The following GMEB2 variants were observed in gnomAD, a reference collection of about 807,000 sequenced individuals.
The protein encoded by GMEB2 is glucocorticoid modulatory element binding protein 2, also known as glucocorticoid modulatory element-binding protein 2.
Under a neutral mutation model 45.7 loss-of-function variants are expected in GMEB2, and 7 were observed. That is an observed-to-expected ratio of 0.15 (90% CI 0.09 to 0.29). GMEB2 has a LOEUF of 0.29. Among genes scored for constraint, GMEB2 ranks in the 10% least tolerant of loss-of-function variants. The probability of loss-of-function intolerance (pLI) is 1.00; values close to 1 mark genes in which losing one functional copy is unlikely to be tolerated. For synonymous variants in GMEB2, 322 were observed against 323.6 expected, an observed-to-expected ratio of 1.00 and a Z score of 0.05; for missense variants, 582 against 739.2, an observed-to-expected ratio of 0.79 and a Z score of 2.47.
intron 4 of GMEB2, among the ~76,000 whole-genome samples, chr20:63,598,558 G>A (rs2083217327): frequency 6.6e-6 from 1 of 152,204 alleles, no homozygotes; most frequent in Non-Finnish European, 1.5e-5. Flanking sequence ...GGAGTCACGA[G>A]GTCTCTGCAG....
intron 1 of GMEB2, among the ~76,000 whole-genome samples, chr20:63,625,055 C>T (rs60154574): frequency 0.01 from 1,561 of 152,270 alleles, 29 homozygotes; most frequent in African/African-American, 0.035. Context: ...CAAAAGTTAC[C>T]TCACAGAAAA....
chr20:63,622,620 T>C (rs1177408791), intron 1 of GMEB2, among the ~76,000 whole-genome samples: 1 of 152,070 alleles, frequency 6.6e-6, no homozygotes, highest in African/African-American at 2.4e-5. Flanking sequence ...TCTTCCTACC[T>C]GGGCATGGGT....
chr20:63,624,985 C>A (rs1162750663), intron 1 of GMEB2, among the ~76,000 whole-genome samples: 1 of 152,086 alleles, frequency 6.6e-6, no homozygotes, highest in Non-Finnish European at 1.5e-5. Context: ...GGATTACAGG[C>A]GTGAGCCACT....
At chr20:63,607,574 C>CA (rs751685486) in intron 2 of GMEB2, among the ~76,000 whole-genome samples, 8 of 23,062 alleles carry the variant, frequency 3.5e-4, no homozygotes, top group Non-Finnish European at 1.2e-3. Flanking sequence ...CCCTCTGACC[C>CA]CACCTCCATT....
chr20:63,620,311 G>A (rs1215421215), intron 1 of GMEB2, among the ~76,000 whole-genome samples: 4 of 145,614 alleles, frequency 2.7e-5, no homozygotes, highest in Admixed American at 6.7e-5. Context: ...AAAGCTTGGA[G>A]ACAGGGGAAT....
chr20:63,609,385 A>C, intron 2 of GMEB2, among the ~76,000 whole-genome samples: 2 of 120,532 alleles, frequency 1.7e-5, no homozygotes, highest in Admixed American at 8.5e-5. Context: ...CTCTGACCTC[A>C]CCTCCATTTC....
intron 2 of GMEB2, among the ~76,000 whole-genome samples, chr20:63,609,004 A>C (rs1178869287): frequency 3.6e-3 from 30 of 8,222 alleles, no homozygotes; most frequent in Admixed American, 4.8e-3. Flanking sequence ...CCTCTGACCC[A>C]CACCTCCATT....
Position 63,595,598 on chromosome 20 carries a change from C to T in GMEB2, c.619+12G>A. The T allele has an allele frequency of 6.3e-7, 1 of 1,596,714 alleles. No individual in the cohort carries two copies. The highest frequency in any genetic ancestry group is 8.5e-7 in the Non-Finnish European group (1 of 1,172,672). On this transcript the variant is annotated intron_variant, in intron 6 of 9. Coordinates refer to ENST00000370077, the MANE Select transcript of GMEB2 (RefSeq NM_012384.5). Reference sequence around the variant, plus strand: ...TGGGGCTGGGTCAGGACGAGCAGCCCTGTGCACCTACCGTCGGCTGCGGCG... The same window carrying T: ...TGGGGCTGGGTCAGGACGAGCAGCCTTGTGCACCTACCGTCGGCTGCGGCG...
intron 5 of GMEB2, among the ~76,000 whole-genome samples, chr20:63,596,401 C>T (rs901696940): frequency 6.6e-6 from 1 of 152,250 alleles, no homozygotes; most frequent in Non-Finnish European, 1.5e-5. Flanking sequence ...CCTGCCTCGA[C>T]CCATGAAACG....
At chr20:63,608,936 C>T (rs76601806) in intron 2 of GMEB2, among the ~76,000 whole-genome samples, 3 of 28,280 alleles carry the variant, frequency 1.1e-4, no homozygotes, top group Admixed American at 2.2e-4. Context: ...CCCTGTGACC[C>T]CACCTCCATT....
In GMEB2 at chr20:63,593,999, G is replaced by A. The variant is rs569104264; in HGVS notation, c.620-917C>T. On this transcript the variant is annotated intron_variant, in intron 6 of 9. Coordinates refer to ENST00000370077, the MANE Select transcript of GMEB2 (RefSeq NM_012384.5). The surrounding 1 kb of genome is among the most constrained non-coding windows in gnomAD (Gnocchi z 4.7). ...CAGGCCCCTGCACTCCAGCCTGGGC[G>A]ACAGAGCAGGACTCCTTCTCCAACA... Among the ~76,000 whole-genome samples the A allele has an allele frequency of 7.9e-5, 12 of 152,358 alleles. No individual in the cohort carries two copies. The highest frequency in any genetic ancestry group is 2.2e-4 in the African/African-American group (9 of 41,590).
chr20:63,596,131 C>G (rs1200139086), intron 5 of GMEB2, among the ~76,000 whole-genome samples: 1 of 152,240 alleles, frequency 6.6e-6, no homozygotes, highest in Non-Finnish European at 1.5e-5. Flanking sequence ...GCCCAGTCCA[C>G]CTGCATCATG....
chr20:63,599,039 A>G (rs142587531), intron 4 of GMEB2, among the ~76,000 whole-genome samples: 3 of 152,306 alleles, frequency 2.0e-5, no homozygotes, highest in East Asian at 1.9e-4. Context: ...AGGAAGCTAC[A>G]TGCTGTACTC....
chr20:63,592,739 AAGGACATCACCATAGCCACG>A lies in GMEB2; in HGVS notation c.692-89_692-70del, dbSNP rs1320416443. The stretch of plus-strand genomic sequence containing the variant: ...TACACGGGGCAGCCACCACAGCCAC[AAGGACATCACCATAGCCACG>A]AGGACACCATGCCAGAGCCGGCAGC... On this transcript the variant is annotated intron_variant, in intron 7 of 9. Transcript: ENST00000370077. The surrounding 1 kb of genome is among the most constrained non-coding windows in gnomAD (Gnocchi z 8.2). 1.0e-5 allele frequency: 13 copies of A among 1,278,820 alleles called. No homozygotes were observed. The African/African-American group carries it at 1.6e-4, about 16-fold the overall frequency. The allele number at this position is 1,278,820 out of a possible 1,614,324, so 79.2% of individuals were successfully genotyped here. A position where few individuals can be genotyped will look rare whatever the true frequency, so the allele number is the denominator to read the frequency against.
rs567842192 is a variant in GMEB2, at chr20:63,592,375, C to A, written c.829+158G>T. Among the ~76,000 whole-genome samples the A allele has an allele frequency of 6.6e-6, 1 of 152,284 alleles. No homozygotes were observed. The highest frequency in any genetic ancestry group is 2.4e-5 in the African/African-American group (1 of 41,572). The stretch of plus-strand genomic sequence containing the variant: ...CTGAGATACATCAAGGCGATCCTCC[C>A]ACCAAGTTCAGCCTCAGCACAGCAG... On this transcript the variant is annotated intron_variant, in intron 8 of 9. Transcript: ENST00000370077. This position sits in a 1 kb window ranked among gnomAD's most constrained non-coding sequence, Gnocchi z 8.2.
chr20:63,613,255 T>A (rs1015192394), intron 2 of GMEB2, among the ~76,000 whole-genome samples: 1 of 152,230 alleles, frequency 6.6e-6, no homozygotes, highest in African/African-American at 2.4e-5. Flanking sequence ...CAAATTCTTT[T>A]AACATCCTAG....
intron 1 of GMEB2, among the ~76,000 whole-genome samples, chr20:63,626,526 C>G (rs2089674440): frequency 6.8e-6 from 1 of 147,052 alleles, no homozygotes; most frequent in Admixed American, 6.7e-5. Context: ...GGGTCGCGTC[C>G]CTGTGGGGTG....
At chr20:63,599,594 G>A (rs998195391) in intron 4 of GMEB2, among the ~76,000 whole-genome samples, 1 of 152,190 alleles carries the variant, frequency 6.6e-6, no homozygotes, top group Non-Finnish European at 1.5e-5. Flanking sequence ...GCTCACGGCC[G>A]GCGGGATTCT....
intron 2 of GMEB2, among the ~76,000 whole-genome samples, chr20:63,606,580 C>T (rs1431343605): frequency 6.6e-6 from 1 of 152,166 alleles, no homozygotes; most frequent in Non-Finnish European, 1.5e-5. Context: ...ATCTCCTGAC[C>T]TCGTGATCCT....
Sources: gnomAD v4.1 joint callset for allele counts (sites outside exome capture counted in the v4.1 genomes callset) on GRCh38, gnomAD v4.1.1 for gene constraint, Gnocchi (gnomAD v3.1) non-coding constraint, MANE v1.5 for transcripts, NCBI Gene and HGNC (gene_info 2026-07-23, HGNC 2026-07-21) for gene names.